The following ADAM10 variants were observed in gnomAD, a reference collection of about 807,000 sequenced individuals.
ADAM10 encodes disintegrin and metalloproteinase domain-containing protein 10.
ADAM10 carries 17 observed loss-of-function variants against 90.1 expected under a neutral mutation model. The observed-to-expected ratio is 0.19, with a 90% CI of 0.13 to 0.28. ADAM10 has a LOEUF of 0.28. Among genes scored for constraint, ADAM10 ranks in the 10% least tolerant of loss-of-function variants. The pLI is 1.00. For synonymous variants in ADAM10, 310 were observed against 298.6 expected (o/e 1.04, Z -0.40); for missense variants, 610 against 914.3 (o/e 0.67, Z 4.29).
chr15:58,610,168 A>G, intron 14 of ADAM10, 129 bp downstream of exon 14: 3 of 791,926 alleles, frequency 3.8e-6, no homozygotes, highest in Non-Finnish European at 6.3e-6. Context: ...AGAACTTTAA[A>G]AATCTTCATA....
intron 11 of ADAM10, 139 bp downstream of exon 11, chr15:58,621,332 T>A: frequency 1.1e-6 from 1 of 938,082 alleles, no homozygotes; most frequent in Non-Finnish European, 1.7e-6. Context: ...CCAACACTAC[T>A]TCAGAAAAAG....
In ADAM10 at chr15:58,611,912, C is replaced by T; in HGVS notation, c.1591G>A (p.Ala531Thr). 1.2e-6 allele frequency: 2 copies of T among 1,614,196 alleles called. No homozygotes were observed. Among genetic ancestry groups the T allele is most frequent in the Non-Finnish European group, 1.7e-6 (2 of 1,180,016 alleles). ...AAGCCATTACATATTCCTTCCCTTG[C>T]ACAGTCTGAATCATCCCGACACTTC... is the stretch of plus-strand genomic sequence containing the variant. The part of the protein sequence containing the change: ...SEKCRDDSDC[A>T]REGICNGFTA... Residue 531 changes from alanine to threonine, a missense_variant, in exon 12 of 16, where the codon GCA (alanine) becomes ACA (threonine). Physicochemically the swap from Ala to Thr is moderately conservative, Grantham distance 58. Transcript: ENST00000260408.
intron 4 of ADAM10, among the ~76,000 whole-genome samples, chr15:58,669,035 C>T (rs6494032): frequency 0.28 from 42,761 of 151,966 alleles, 8,581 homozygotes; most frequent in African/African-American, 0.56. Flanking sequence ...CAGCTGTGTA[C>T]ACATAAATCT....
chr15:58,589,542 C>T lies in ADAM10; in HGVS notation c.*8005G>A, dbSNP rs1362159640. The T allele has an allele frequency of 6.6e-6, 1 of 152,250 alleles. No homozygotes were observed. Among genetic ancestry groups the T allele is most frequent in the Non-Finnish European group, 1.5e-5 (1 of 68,068 alleles). 9.4% of individuals were successfully genotyped at this position (152,250 alleles called of 1,614,324 possible). A position where few individuals can be genotyped will look rare whatever the true frequency, so the allele number is the denominator to read the frequency against. On this transcript the variant is annotated 3_prime_UTR_variant, in exon 16 of 16. Transcript: ENST00000260408. ...ACTGTAACTGCTGGTTTCTTTCCTT[C>T]CGCTAGACCCTCAGCTCCCTGAAGG...
intron 2 of ADAM10, among the ~76,000 whole-genome samples, chr15:58,688,715 G>A (rs1897679058): frequency 7.0e-6 from 1 of 143,666 alleles, no homozygotes; most frequent in South Asian, 2.2e-4. Flanking sequence ...GAATGAGAGG[G>A]GAGGAAACTT....
chr15:58,735,569 C>T (rs1899403106), intron 1 of ADAM10, among the ~76,000 whole-genome samples: 1 of 152,082 alleles, frequency 6.6e-6, no homozygotes, highest in Non-Finnish European at 1.5e-5. Context: ...ACTTATAATA[C>T]ACAATACAAT....
chr15:58,687,246 A>T (rs1417092807), intron 2 of ADAM10, among the ~76,000 whole-genome samples: 3 of 152,232 alleles, frequency 2.0e-5, no homozygotes, highest in Non-Finnish European at 2.9e-5. Context: ...AGTTAATGTT[A>T]TGATGTGCAT....
intron 12 of ADAM10, chr15:58,611,528 A>C (rs1895438147): frequency 2.7e-6 from 1 of 363,858 alleles, no homozygotes; most frequent in South Asian, 3.8e-5. Context: ...TAGGCTACTG[A>C]AATATTATTT....
intron 2 of ADAM10, among the ~76,000 whole-genome samples, chr15:58,701,496 C>G (rs180806181): frequency 3.9e-5 from 6 of 152,108 alleles, no homozygotes; most frequent in Admixed American, 3.3e-4. Context: ...CAAATGCTGG[C>G]GAGAATGTGA....
chr15:58,619,385 G>T (rs1459955504), intron 11 of ADAM10, among the ~76,000 whole-genome samples: 1 of 152,044 alleles, frequency 6.6e-6, no homozygotes, highest in Non-Finnish European at 1.5e-5. Context: ...ACACATAGAA[G>T]GAATGAGCTC....
chr15:58,610,007 C>A (rs572730636), intron 14 of ADAM10: 2 of 358,270 alleles, frequency 5.6e-6, no homozygotes, highest in East Asian at 1.0e-4. Context: ...CATGAAAATG[C>A]CCTAATAATA....
At chr15:58,730,935 G>C (rs1899215366) in intron 1 of ADAM10, among the ~76,000 whole-genome samples, 1 of 152,234 alleles carries the variant, frequency 6.6e-6, no homozygotes, top group Non-Finnish European at 1.5e-5. Context: ...CTGGTTCCCA[G>C]ACATTAAGAC....
chr15:58,741,892 G>C (rs1899628073), intron 1 of ADAM10, among the ~76,000 whole-genome samples: 1 of 152,118 alleles, frequency 6.6e-6, no homozygotes, highest in South Asian at 2.1e-4. Context: ...TCATGGCCCA[G>C]TTAGCAATTC....
chr15:58,657,728 A>G (rs1896862239), intron 5 of ADAM10, among the ~76,000 whole-genome samples: 1 of 152,078 alleles, frequency 6.6e-6, no homozygotes, highest in African/African-American at 2.4e-5. Context: ...TGGTGAAGTC[A>G]TGTTTTCCTG....
intron 14 of ADAM10, among the ~76,000 whole-genome samples, chr15:58,602,179 G>C (rs577708350): frequency 2.6e-5 from 4 of 152,044 alleles, no homozygotes; most frequent in African/African-American, 7.2e-5. Flanking sequence ...TGACATTATT[G>C]TGTTTTTTGG....
At chr15:58,673,388 CAA>C (rs35784381) in intron 4 of ADAM10, among the ~76,000 whole-genome samples, 16 of 79,238 alleles carry the variant, frequency 2.0e-4, no homozygotes, top group Non-Finnish European at 3.0e-4. Context: ...CTGTAATTGC[CAA>C]AAAAAAAAAA....
chr15:58,720,288 G>A (rs995137843), intron 1 of ADAM10, among the ~76,000 whole-genome samples: 5 of 152,124 alleles, frequency 3.3e-5, no homozygotes, highest in African/African-American at 1.2e-4. Flanking sequence ...AGAAGAATGA[G>A]TCCAAAACTA....
intron 8 of ADAM10, among the ~76,000 whole-genome samples, chr15:58,638,063 A>C (rs1896315771): frequency 6.6e-6 from 1 of 152,198 alleles, no homozygotes; most frequent in African/African-American, 2.4e-5. Context: ...CCAAAGGAAC[A>C]AAGATCCCTT....
intron 5 of ADAM10, 27 bp from the exon 6 acceptor site, chr15:58,646,231 A>C (rs1383332497): frequency 6.2e-7 from 1 of 1,604,084 alleles, no homozygotes; most frequent in Non-Finnish European, 8.5e-7. Flanking sequence ...CATTTCTGAC[A>C]ATTAGTATGC....
Sources: gnomAD v4.1 joint callset for allele counts (sites outside exome capture counted in the v4.1 genomes callset) on GRCh38, gnomAD v4.1.1 for gene constraint, MANE v1.5 for transcripts, NCBI Gene and HGNC (gene_info 2026-07-23, HGNC 2026-07-21) for gene names.